STT3B: variants seen among roughly 807,000 people sequenced by gnomAD.
STT3B encodes the protein STT3 oligosaccharyltransferase complex catalytic subunit B.
Under a neutral mutation model 96.8 loss-of-function variants are expected in STT3B, and 29 were observed. That is an observed-to-expected ratio of 0.30 (90% CI 0.22 to 0.41). STT3B has a LOEUF of 0.41. Among genes scored for constraint, STT3B ranks in the 10% least tolerant of loss-of-function variants. The pLI, the probability that STT3B is intolerant of heterozygous loss-of-function variation, is 1.00. For missense variants in STT3B, 640 were observed against 1,022.3 expected (o/e 0.63, Z 5.10); for synonymous variants, 367 against 360.0 (o/e 1.02, Z -0.22).
chr3:31,562,896 C>CT (rs1308640712), intron 1 of STT3B, among the ~76,000 whole-genome samples: 2 of 152,170 alleles, frequency 1.3e-5, no homozygotes, highest in Non-Finnish European at 2.9e-5. Context: ...TGAGCTGTCT[C>CT]TCTGGAGCAG....
intron 5 of STT3B, among the ~76,000 whole-genome samples, chr3:31,613,125 A>G (rs1699221934): frequency 6.6e-6 from 1 of 152,006 alleles, no homozygotes; most frequent in South Asian, 2.1e-4. Context: ...ATTCTTTAGG[A>G]CTATAGAGGG....
intron 1 of STT3B, among the ~76,000 whole-genome samples, chr3:31,556,877 A>G (rs1697725730): frequency 6.6e-6 from 1 of 152,050 alleles, no homozygotes; most frequent in Non-Finnish European, 1.5e-5. Context: ...TGCTGTGCAG[A>G]GTTTTTTGGT....
intron 1 of STT3B, among the ~76,000 whole-genome samples, chr3:31,538,916 A>G (rs1483301562): frequency 6.6e-6 from 1 of 152,158 alleles, no homozygotes; most frequent in Non-Finnish European, 1.5e-5. Flanking sequence ...AGAAATTGAT[A>G]GAAAGTGGAA....
chr3:31,566,410 G>T (rs1040397536), intron 1 of STT3B, among the ~76,000 whole-genome samples: 1 of 152,118 alleles, frequency 6.6e-6, no homozygotes, highest in Non-Finnish European at 1.5e-5. Flanking sequence ...GTGTCCTGCC[G>T]CAAAGGAGTG....
chr3:31,563,416 G>A (rs1697927096), intron 1 of STT3B, among the ~76,000 whole-genome samples: 1 of 152,176 alleles, frequency 6.6e-6, no homozygotes, highest in South Asian at 2.1e-4. Flanking sequence ...TCTTTGTTGT[G>A]ATGGAGCTTA....
At chr3:31,612,026 G>A (rs377737335) in intron 5 of STT3B, among the ~76,000 whole-genome samples, 39 of 152,212 alleles carry the variant, frequency 2.6e-4, no homozygotes, top group African/African-American at 9.4e-4. Flanking sequence ...TTTATTTAAT[G>A]GAAGTACAAG....
At chr3:31,595,499 G>A (rs552109498) in intron 3 of STT3B, among the ~76,000 whole-genome samples, 2 of 152,032 alleles carry the variant, frequency 1.3e-5, no homozygotes, top group South Asian at 4.2e-4. Context: ...CTTTTACATA[G>A]ATTTTGTTAC....
intron 1 of STT3B, among the ~76,000 whole-genome samples, chr3:31,554,019 C>T (rs192023691): frequency 6.6e-6 from 1 of 152,260 alleles, no homozygotes; most frequent in East Asian, 1.9e-4. Flanking sequence ...ATCTTACATT[C>T]AGTGTTTTTC....
intron 3 of STT3B, among the ~76,000 whole-genome samples, chr3:31,582,978 A>G (rs994005306): frequency 6.6e-6 from 1 of 152,158 alleles, no homozygotes; most frequent in African/African-American, 2.4e-5. Flanking sequence ...TGTCCTGGAA[A>G]ATGTCCCATG....
intron 3 of STT3B, among the ~76,000 whole-genome samples, chr3:31,590,393 T>C (rs1698640199): frequency 6.6e-6 from 1 of 152,054 alleles, no homozygotes; most frequent in African/African-American, 2.4e-5. Flanking sequence ...AGTTATTTTC[T>C]CCATTTCTAC....
At chr3:31,571,388 C>T (rs1698131795) in intron 1 of STT3B, among the ~76,000 whole-genome samples, 1 of 151,612 alleles carries the variant, frequency 6.6e-6, no homozygotes, top group Admixed American at 6.6e-5. Context: ...TTTTCAGCAT[C>T]ACTAAGGGCT....
At chr3:31,619,388 A>G (rs1050209140) in intron 8 of STT3B, among the ~76,000 whole-genome samples, 1 of 152,218 alleles carries the variant, frequency 6.6e-6, no homozygotes, top group Non-Finnish European at 1.5e-5. Context: ...AAACTACAGA[A>G]CAAATTGCCA....
At chr3:31,551,700 T>C (rs748177244) in intron 1 of STT3B, among the ~76,000 whole-genome samples, 29 of 152,314 alleles carry the variant, frequency 1.9e-4, no homozygotes, top group Non-Finnish European at 3.4e-4. Flanking sequence ...AGGGTTATTT[T>C]CAAGAGAGCC....
chr3:31,538,111 G>A (rs941006346), intron 1 of STT3B, among the ~76,000 whole-genome samples: 6 of 151,964 alleles, frequency 3.9e-5, no homozygotes, highest in Admixed American at 3.3e-4. Flanking sequence ...ATTTTATAGT[G>A]AACACTCATA....
At chr3:31,615,484 TAG>T (rs1699287086) in intron 6 of STT3B, among the ~76,000 whole-genome samples, 1 of 151,946 alleles carries the variant, frequency 6.6e-6, no homozygotes, top group South Asian at 2.1e-4. Flanking sequence ...GGTGTTTCTA[TAG>T]AGTTTATTAT....
chr3:31,574,765 T>C (rs961049432), intron 1 of STT3B, among the ~76,000 whole-genome samples: 1 of 152,170 alleles, frequency 6.6e-6, no homozygotes, highest in Non-Finnish European at 1.5e-5. Context: ...GAGAAGGTAT[T>C]AATCTAATTT....
intron 11 of STT3B, 44 bp downstream of exon 11, chr3:31,623,905 T>A: frequency 1.4e-6 from 2 of 1,426,750 alleles, no homozygotes; most frequent in Non-Finnish European, 1.9e-6. Flanking sequence ...TACTTACACT[T>A]CTTTTTCGTT....
intron 7 of STT3B, among the ~76,000 whole-genome samples, 181 bp downstream of exon 7, chr3:31,617,256 G>C (rs552493850): frequency 7.1e-6 from 1 of 140,086 alleles, no homozygotes; most frequent in African/African-American, 2.6e-5. Flanking sequence ...ACTTTTAAGC[G>C]TCCTTCTCTT....
chr3:31,545,328 A>G (rs1697378872), intron 1 of STT3B, among the ~76,000 whole-genome samples: 1 of 152,234 alleles, frequency 6.6e-6, no homozygotes, highest in South Asian at 2.1e-4. Context: ...GAAGTGTCAA[A>G]TAGAAACAGC....
Sources: gnomAD v4.1 joint callset for allele counts (sites outside exome capture counted in the v4.1 genomes callset) on GRCh38, gnomAD v4.1.1 for gene constraint, MANE v1.5 for transcripts, NCBI Gene and HGNC (gene_info 2026-07-23, HGNC 2026-07-21) for gene names.